Variants in IFT122 observed in about 807,000 individuals in gnomAD.
IFT122 encodes intraflagellar transport protein 122 homolog.
A neutral mutation model predicts 161.6 loss-of-function variants in IFT122; 118 were observed. That is an observed-to-expected ratio of 0.73 (90% confidence interval 0.63 to 0.85). IFT122 has a LOEUF of 0.85. IFT122 is among the 40% of genes least tolerant of loss of function. IFT122 has a pLI of 0.00. For synonymous variants in IFT122, 550 were observed against 602.4 expected (o/e 0.91, Z 1.27); for missense variants, 1,381 against 1,579.6 (o/e 0.87, Z 2.13).
At chr3:129,500,524 G>A (rs1341504616) in intron 19 of IFT122, among the ~76,000 whole-genome samples, 4 of 152,248 alleles carry the variant, frequency 2.6e-5, no homozygotes, top group African/African-American at 9.6e-5. Flanking sequence ...CCAACTACGC[G>A]TGTAATGGTA....
At chr3:129,461,101 T>C (rs1339208142) in intron 4 of IFT122, 127 bp from the exon 5 acceptor site, 1 of 950,128 alleles carries the variant, frequency 1.1e-6, no homozygotes, top group African/African-American at 1.6e-5. Context: ...TGCTTTTTGT[T>C]GGTCACTTGC....
intron 1 of IFT122, among the ~76,000 whole-genome samples, chr3:129,445,677 A>C (rs1559826997): frequency 6.6e-6 from 1 of 152,242 alleles, no homozygotes; most frequent in African/African-American, 2.4e-5. Flanking sequence ...ACCTGAGTTG[A>C]AATCCTGGCC....
rs1231282076 is a variant in IFT122 at position 129,469,329 on chromosome 3, T to C, written c.741-13T>C. 1 of 1,610,906 alleles carries C rather than the reference T, an allele frequency of 6.2e-7. No individual in the cohort carries two copies. Among genetic ancestry groups the C allele is most frequent in the South Asian group, 1.1e-5 (1 of 91,038 alleles). Reference sequence around the variant, plus strand: ...GTGGCCCTTCATAACCTCTTTTATCTTCTGTTGATTAGAGAGGAACGTAAT... The same window carrying C: ...GTGGCCCTTCATAACCTCTTTTATCCTCTGTTGATTAGAGAGGAACGTAAT... On this transcript the variant is annotated splice_polypyrimidine_tract_variant and intron_variant, in intron 8 of 29. Transcript: ENST00000348417.
chr3:129,446,815 T>A (rs1455944945), intron 1 of IFT122, among the ~76,000 whole-genome samples: 1 of 152,202 alleles, frequency 6.6e-6, no homozygotes, highest in Non-Finnish European at 1.5e-5. Flanking sequence ...TTGTTGACAC[T>A]GGCAAGTTTA....
At chr3:129,512,486 C>A in intron 24 of IFT122, 74 bp downstream of exon 24, 2 of 1,064,138 alleles carry the variant, frequency 1.9e-6, no homozygotes, top group Non-Finnish European at 3.0e-6. Context: ...CCTTCCAGAG[C>A]ACTTTCCTGG....
At chr3:129,448,793 G>C (rs1310100561) in intron 1 of IFT122, among the ~76,000 whole-genome samples, 1 of 152,000 alleles carries the variant, frequency 6.6e-6, no homozygotes, top group African/African-American at 2.4e-5. Context: ...CCAGGTTCTA[G>C]TGATTCTCCT....
intron 1 of IFT122, among the ~76,000 whole-genome samples, chr3:129,447,000 G>A (rs2074090885): frequency 6.6e-6 from 1 of 152,080 alleles, no homozygotes; most frequent in African/African-American, 2.4e-5. Context: ...TCTGCCTGGG[G>A]CATTTGAAAA....
chr3:129,519,287 C>A lies in IFT122; in HGVS notation c.3471+101C>A. 2.6e-6 allele frequency: 3 copies of A among 1,139,062 alleles called. No individual in the cohort carries two copies. In the South Asian group the frequency reaches 3.7e-5, roughly 14 times the overall value. The allele number at this position is 1,139,062 out of a possible 1,614,324, so 70.6% of individuals were successfully genotyped here. On this transcript the variant is annotated intron_variant, in intron 28 of 29. Coordinates refer to ENST00000348417, the MANE Select transcript of IFT122 (RefSeq NM_052989.3). ...TAGCGCAGTGGTGGAGGAGGATTGG[C>A]CAGAACTTCCAGATGTGGTGGCACG...
intron 20 of IFT122, among the ~76,000 whole-genome samples, chr3:129,503,306 A>G (rs1302380890): frequency 6.6e-6 from 1 of 152,186 alleles, no homozygotes; most frequent in Non-Finnish European, 1.5e-5. Flanking sequence ...TGTGCTTTCC[A>G]GATCCAGACT....
chr3:129,519,812 G>T, intron 29 of IFT122, 80 bp downstream of exon 29: 3 of 1,541,448 alleles, frequency 1.9e-6, no homozygotes, highest in Non-Finnish European at 2.7e-6. Context: ...GGGAGGCGTG[G>T]CCCCTGGGAG....
intron 9 of IFT122, chr3:129,476,017 T>C (rs1286054909): frequency 2.2e-6 from 1 of 458,432 alleles, no homozygotes; most frequent in African/African-American, 2.0e-5. Context: ...CCACCCACAG[T>C]CTCCATCTTG....
intron 3 of IFT122, chr3:129,456,319 C>G: frequency 8.5e-7 from 1 of 1,172,290 alleles, no homozygotes; most frequent in Non-Finnish European, 1.1e-6. Flanking sequence ...TATGGCTCAC[C>G]CTAATATCTA....
intron 1 of IFT122, among the ~76,000 whole-genome samples, chr3:129,448,563 C>G (rs1039926675): frequency 4.6e-5 from 7 of 152,122 alleles, no homozygotes; most frequent in Non-Finnish European, 1.0e-4. Flanking sequence ...TTACTGTACA[C>G]GTGGTGACAA....
chr3:129,507,892 TCTC>T (rs1275666792), intron 23 of IFT122, 130 bp downstream of exon 23: 24 of 757,284 alleles, frequency 3.2e-5, no homozygotes, highest in Non-Finnish European at 4.7e-5. Context: ...GGAATCTTGG[TCTC>T]CTCTGGGAAG....
At chr3:129,471,386 C>A (rs1252269397) in intron 9 of IFT122, among the ~76,000 whole-genome samples, 1 of 152,192 alleles carries the variant, frequency 6.6e-6, no homozygotes, top group Admixed American at 6.5e-5. Flanking sequence ...GTTTCCCTGG[C>A]CCTCTCTATT....
At position 129,502,859 on chromosome 3, in the gene IFT122, G is replaced by A. The variant is rs761464058; in HGVS notation, c.2524G>A (p.Val842Met). The change falls in exon 20 of 30, where the codon GTG becomes ATG. Residue 842 changes from valine (V) to methionine (M), a missense_variant. By Grantham distance (21) the Val-to-Met change is conservative. Coordinates refer to ENST00000348417, the MANE Select transcript of IFT122 (RefSeq NM_052989.3). ...CCTCAAGTCCCTGGTGCAGCTGCAC[G>A]TGGAGACCCAGCGCTGGGATGAGGT... The part of the protein sequence containing the change: ...GDLKSLVQLH[V>M]ETQRWDEAFA... 7 of 1,611,808 alleles carry A rather than the reference G, an allele frequency of 4.3e-6. No individual in the cohort carries two copies. The South Asian group carries it at 5.5e-5, about 13-fold the overall frequency.
chr3:129,517,146 CCTGCACACACACGGAGACTGCCT>C lies in IFT122; in HGVS notation c.3266-310_3266-288del, dbSNP rs1209209179. Among the ~76,000 whole-genome samples, 275 of 146,114 alleles carry C rather than the reference CCTGCACACACACGGAGACTGCCT, an allele frequency of 1.9e-3. 1 individual carries two copies. The highest frequency in any genetic ancestry group is 6.3e-3 in the African/African-American group (247 of 38,968). ...CCTGCACACACACATGGAGACTGCCCCTGCACACACACGGAGACTGCCTCTGCACACACACAGAGACTGCCCCT... is the reference window on the plus strand; with the variant it reads ...CCTGCACACACACATGGAGACTGCCCCTGCACACACACAGAGACTGCCCCT... On this transcript the variant is annotated intron_variant, in intron 26 of 29. Coordinates refer to ENST00000348417, the MANE Select transcript of IFT122 (RefSeq NM_052989.3).
At chr3:129,460,468 G>A (rs1243485309) in intron 4 of IFT122, among the ~76,000 whole-genome samples, 1 of 151,290 alleles carries the variant, frequency 6.6e-6, no homozygotes, top group Non-Finnish European at 1.5e-5. Context: ...TTATGAAGAC[G>A]AGGTCTCACT....
At chr3:129,490,704 C>T (rs1275192392) in intron 16 of IFT122, among the ~76,000 whole-genome samples, 1 of 152,208 alleles carries the variant, frequency 6.6e-6, no homozygotes, top group Non-Finnish European at 1.5e-5. Flanking sequence ...TCCTTTCCCT[C>T]TTGGCCACTG....
Sources: allele counts gnomAD v4.1 joint callset (sites outside exome capture counted in the v4.1 genomes callset), GRCh38; gene constraint gnomAD v4.1.1; transcripts MANE v1.5; gene names NCBI Gene and HGNC (gene_info 2026-07-23, HGNC 2026-07-21).